NRXN1: variants seen among roughly 807,000 people sequenced by gnomAD.
NRXN1 encodes the protein neurexin-1.
In NRXN1, 39 loss-of-function variants were observed where a neutral mutation model predicts 150.9. The observed-to-expected ratio is 0.26, with a 90% confidence interval of 0.20 to 0.34. The LOEUF is 0.34. Among genes scored for constraint, NRXN1 ranks in the 10% least tolerant of loss-of-function variants. The probability of loss-of-function intolerance (pLI) is 1.00; values close to 1 mark genes in which losing one functional copy is unlikely to be tolerated. For missense variants in NRXN1, 1,815 were observed against 1,949.9 expected (o/e 0.93, Z 1.30); for synonymous variants, 924 against 757.0 (o/e 1.22, Z -3.62).
intron 17 of NRXN1, among the ~76,000 whole-genome samples, chr2:50,268,888 C>G (rs1206894192): frequency 1.3e-5 from 2 of 152,126 alleles, no homozygotes; most frequent in Non-Finnish European, 2.9e-5. Context: ...GTTGCAAACG[C>G]AGTTGTATAT....
intron 17 of NRXN1, among the ~76,000 whole-genome samples, chr2:50,430,893 A>T (rs189058026): frequency 3.4e-4 from 51 of 152,204 alleles, no homozygotes; most frequent in African/African-American, 1.2e-3. Context: ...CACATTCAAC[A>T]TTTTTGTCCT....
intron 17 of NRXN1, among the ~76,000 whole-genome samples, chr2:50,443,003 G>A (rs2086094832): frequency 6.6e-6 from 1 of 152,134 alleles, no homozygotes; most frequent in Non-Finnish European, 1.5e-5. Flanking sequence ...GCTTTCACGG[G>A]AGCCAGATTG....
rs2072091999 is a variant in NRXN1 at position 50,285,870 on chromosome 2, A to AAG, written c.3365-48901_3365-48900insCT. Among the ~76,000 whole-genome samples, 3 of 151,386 alleles carry AAG rather than the reference A, an allele frequency of 2.0e-5. No homozygotes were observed. The South Asian group carries it at 6.3e-4, about 32-fold the overall frequency. On this transcript the variant is annotated intron_variant, in intron 17 of 22. Transcript: ENST00000401669. Reference sequence around the variant, plus strand: ...TATAAAAGAGTTTTTTTGAAAAACAAAAAAAAAACTTGAAAAAATAGCAAT... The same window carrying AAG: ...TATAAAAGAGTTTTTTTGAAAAACAAAGAAAAAAAACTTGAAAAAATAGCAAT...
intron 8 of NRXN1, among the ~76,000 whole-genome samples, chr2:50,569,773 C>T (rs1183598140): frequency 6.6e-6 from 1 of 152,174 alleles, no homozygotes; most frequent in African/African-American, 2.4e-5. Context: ...CTGGCCCTGT[C>T]ATTAACTTCT....
intron 5 of NRXN1, chr2:50,637,648 G>A (rs1683425051): frequency 6.6e-6 from 1 of 152,228 alleles, no homozygotes; most frequent in African/African-American, 2.4e-5. Flanking sequence ...TTGAGCTCCA[G>A]TGAACTTGAG....
At chr2:50,682,552 T>C (rs887924288) in intron 5 of NRXN1, among the ~76,000 whole-genome samples, 1 of 152,180 alleles carries the variant, frequency 6.6e-6, no homozygotes, top group Non-Finnish European at 1.5e-5. Context: ...TAGGGTAATA[T>C]TTTTAACTAT....
intron 5 of NRXN1, among the ~76,000 whole-genome samples, chr2:50,754,850 T>C (rs1285304760): frequency 6.6e-6 from 1 of 151,912 alleles, no homozygotes; most frequent in East Asian, 1.9e-4. Context: ...TGTTTTTATA[T>C]AGAAACTAGA....
intron 2 of NRXN1, among the ~76,000 whole-genome samples, chr2:50,949,920 A>T (rs1035116473): frequency 1.3e-5 from 2 of 152,094 alleles, no homozygotes; most frequent in Non-Finnish European, 2.9e-5. Context: ...TACAAGGAAG[A>T]TTTGGGGAAA....
At chr2:50,575,418 G>C (rs1671291788) in intron 8 of NRXN1, among the ~76,000 whole-genome samples, 1 of 152,094 alleles carries the variant, frequency 6.6e-6, no homozygotes, top group Non-Finnish European at 1.5e-5. Flanking sequence ...AAACATGAGA[G>C]CCAGGTAGGG....
At chr2:50,545,198 A>T (rs1019421841) in intron 9 of NRXN1, among the ~76,000 whole-genome samples, 2 of 152,196 alleles carry the variant, frequency 1.3e-5, no homozygotes, top group African/African-American at 4.8e-5. Flanking sequence ...CACCAAAAGT[A>T]TGTATTTATA....
chr2:49,985,308 A>C (rs1680717265), intron 21 of NRXN1, among the ~76,000 whole-genome samples: 2 of 152,178 alleles, frequency 1.3e-5, no homozygotes, highest in South Asian at 4.1e-4. Context: ...CGATTCAATA[A>C]ATTTTATTTT....
Position 50,917,461 on chromosome 2 carries a change from G to T in NRXN1, c.832+4408C>A, listed in dbSNP as rs200250519. On this transcript the variant is annotated intron_variant, in intron 5 of 22. Coordinates refer to ENST00000401669, the MANE Select transcript of NRXN1 (RefSeq NM_001330078.2). ...TATAGCAACACAGGACTTGAAAATG[G>T]TATAAAAATAAAAATCATGGAAACT... 4.0e-5 allele frequency: 6 copies of T among 151,670 alleles called. No individual in the cohort carries two copies. In the East Asian group the frequency reaches 1.2e-3, roughly 29 times the overall value. 9.4% of individuals were successfully genotyped at this position (151,670 alleles called of 1,614,324 possible).
At chr2:50,232,192 T>A (rs2065002955) in intron 18 of NRXN1, among the ~76,000 whole-genome samples, 1 of 151,988 alleles carries the variant, frequency 6.6e-6, no homozygotes, top group Non-Finnish European at 1.5e-5. Flanking sequence ...GCTAGCTTGT[T>A]CATTCATTCA....
At chr2:50,497,827 T>C (rs750951867) in intron 13 of NRXN1, 113 bp from the exon 14 acceptor site, 4 of 915,978 alleles carry the variant, frequency 4.4e-6, no homozygotes, top group South Asian at 3.6e-5. Context: ...CCCTCCTTGG[T>C]ACTCAGTTGC....
chr2:50,326,222 G>T (rs547503728), intron 17 of NRXN1, among the ~76,000 whole-genome samples: 1 of 152,090 alleles, frequency 6.6e-6, no homozygotes, highest in South Asian at 2.1e-4. Context: ...GCTGAAAGAT[G>T]AATTGAATAA....
At chr2:50,962,725 T>C (rs1357621557) in intron 2 of NRXN1, among the ~76,000 whole-genome samples, 1 of 151,646 alleles carries the variant, frequency 6.6e-6, no homozygotes, top group South Asian at 2.1e-4. Flanking sequence ...TGAATGTTGA[T>C]TATAAAAACA....
At chr2:50,816,595 T>C (rs1668974396) in intron 5 of NRXN1, among the ~76,000 whole-genome samples, 1 of 152,160 alleles carries the variant, frequency 6.6e-6, no homozygotes, top group African/African-American at 2.4e-5. Flanking sequence ...CAAAGCTTAC[T>C]GATTGTTTGG....
At chr2:50,957,762 T>C (rs927700330) in intron 2 of NRXN1, among the ~76,000 whole-genome samples, 2 of 152,160 alleles carry the variant, frequency 1.3e-5, no homozygotes, top group South Asian at 2.1e-4. Context: ...TTGTAAAATA[T>C]TGTTTTTTCT....
intron 5 of NRXN1, among the ~76,000 whole-genome samples, chr2:50,850,179 G>A (rs955704039): frequency 1.7e-4 from 25 of 149,142 alleles, no homozygotes; most frequent in African/African-American, 5.7e-4. Context: ...AGTGAGCTGT[G>A]ATTACTGCAC....
Sources: allele counts gnomAD v4.1 joint callset (sites outside exome capture counted in the v4.1 genomes callset), GRCh38; gene constraint gnomAD v4.1.1; transcripts MANE v1.5; gene names NCBI Gene and HGNC (gene_info 2026-07-23, HGNC 2026-07-21).